LRP1B: variants seen among roughly 807,000 people sequenced by gnomAD.
LRP1B encodes the protein low-density lipoprotein receptor-related protein 1B.
A neutral mutation model predicts 556.6 loss-of-function variants in LRP1B; 217 were observed. That is an observed-to-expected ratio of 0.39 (90% confidence interval 0.35 to 0.44). LRP1B has a LOEUF of 0.44. LRP1B is among the 20% of genes least tolerant of loss of function. The probability of loss-of-function intolerance (pLI) is 1.00; values close to 1 mark genes in which losing one functional copy is unlikely to be tolerated. For synonymous variants in LRP1B, 2,047 were observed against 1,865.8 expected (o/e 1.10, Z -2.50); for missense variants, 5,053 against 5,620.8 (o/e 0.90, Z 3.23).
intron 1 of LRP1B, among the ~76,000 whole-genome samples, chr2:141,905,844 G>T (rs971671411): frequency 2.7e-5 from 4 of 145,482 alleles, no homozygotes; most frequent in African/African-American, 7.6e-5. Flanking sequence ...GACTAGCCAA[G>T]ATATTTGTGT....
chr2:140,439,129 A>G (rs1686315221), intron 66 of LRP1B, among the ~76,000 whole-genome samples: 1 of 152,206 alleles, frequency 6.6e-6, no homozygotes, highest in Non-Finnish European at 1.5e-5. Flanking sequence ...AAATTCTTAA[A>G]TATTCTATTA....
At chr2:141,499,631 G>A (rs971065434) in intron 2 of LRP1B, among the ~76,000 whole-genome samples, 6 of 151,866 alleles carry the variant, frequency 4.0e-5, no homozygotes, top group African/African-American at 1.2e-4. Flanking sequence ...AGACTCAGAT[G>A]TCACATTTTA....
chr2:141,279,887 G>A (rs2105385345), intron 3 of LRP1B, among the ~76,000 whole-genome samples: 1 of 152,116 alleles, frequency 6.6e-6, no homozygotes, highest in Admixed American at 6.5e-5. Context: ...ATGTCTCAAG[G>A]CAAGCTAGTC....
chr2:140,659,417 T>A (rs1262367514), intron 41 of LRP1B, among the ~76,000 whole-genome samples: 1 of 151,952 alleles, frequency 6.6e-6, no homozygotes, highest in Non-Finnish European at 1.5e-5. Context: ...GCTAATGGAG[T>A]GGAAAGCTAC....
At chr2:141,927,337 T>A (rs1296923931) in intron 1 of LRP1B, among the ~76,000 whole-genome samples, 1 of 152,164 alleles carries the variant, frequency 6.6e-6, no homozygotes, top group Admixed American at 6.6e-5. Context: ...TCTACCTGTT[T>A]GTCTAAATTT....
intron 6 of LRP1B, among the ~76,000 whole-genome samples, chr2:141,212,163 G>C: frequency 6.9e-6 from 1 of 145,108 alleles, no homozygotes; most frequent in Non-Finnish European, 1.5e-5. Context: ...GAGTTTCTTA[G>C]GGAATAATAT....
intron 3 of LRP1B, among the ~76,000 whole-genome samples, chr2:141,396,800 G>C (rs975237587): frequency 6.6e-6 from 1 of 151,966 alleles, no homozygotes; most frequent in Admixed American, 6.6e-5. Context: ...AAAAAATGTA[G>C]AAGATACACA....
chr2:140,263,669 GCT>G (rs1473636145), intron 86 of LRP1B, among the ~76,000 whole-genome samples: 3 of 152,088 alleles, frequency 2.0e-5, no homozygotes, highest in African/African-American at 7.2e-5. Flanking sequence ...GTTCAGTGGA[GCT>G]CTTTGTCACC....
chr2:140,794,738 C>T (rs993322347), intron 32 of LRP1B, among the ~76,000 whole-genome samples: 1 of 151,968 alleles, frequency 6.6e-6, no homozygotes, highest in African/African-American at 2.4e-5. Flanking sequence ...CTCAGCCTCC[C>T]AAGTAGCTGG....
chr2:140,477,426 A>T (rs1408234251), intron 59 of LRP1B, among the ~76,000 whole-genome samples: 2 of 152,160 alleles, frequency 1.3e-5, no homozygotes, highest in Non-Finnish European at 2.9e-5. Flanking sequence ...TAAAAATAAC[A>T]CATCCAAACT....
intron 86 of LRP1B, among the ~76,000 whole-genome samples, chr2:140,250,328 A>G (rs1186271322): frequency 6.6e-6 from 1 of 151,822 alleles, no homozygotes; most frequent in Admixed American, 6.6e-5. Flanking sequence ...TTAACCAAGT[A>G]TCATTGGATC....
intron 7 of LRP1B, among the ~76,000 whole-genome samples, chr2:141,102,087 C>A (rs759372560): frequency 6.6e-6 from 1 of 152,064 alleles, no homozygotes; most frequent in Non-Finnish European, 1.5e-5. Flanking sequence ...TACATTTTAA[C>A]GGTAGAAATG....
At chr2:140,983,521 G>A (rs1235919573) in intron 17 of LRP1B, among the ~76,000 whole-genome samples, 1 of 151,936 alleles carries the variant, frequency 6.6e-6, no homozygotes, top group African/African-American at 2.4e-5. Flanking sequence ...CACTAAAATG[G>A]GTTCCATGAA....
At chr2:141,622,974 G>A (rs1688558042) in intron 2 of LRP1B, among the ~76,000 whole-genome samples, 1 of 152,286 alleles carries the variant, frequency 6.6e-6, no homozygotes, top group Admixed American at 6.5e-5. Flanking sequence ...CAGAGTTTCA[G>A]TTCCAATGAT....
chr2:140,524,874 A>C (rs1690362437), intron 49 of LRP1B, among the ~76,000 whole-genome samples: 1 of 151,840 alleles, frequency 6.6e-6, no homozygotes, highest in Non-Finnish European at 1.5e-5. Context: ...GGATCAATAC[A>C]AGCCCAAACC....
intron 2 of LRP1B, among the ~76,000 whole-genome samples, chr2:141,689,804 A>C (rs941814971): frequency 6.6e-6 from 1 of 151,864 alleles, no homozygotes; most frequent in African/African-American, 2.4e-5. Flanking sequence ...TTAGGATAGA[A>C]TAAACACCAG....
chr2:140,440,606 C>T (rs897341372), intron 66 of LRP1B, among the ~76,000 whole-genome samples: 1 of 152,098 alleles, frequency 6.6e-6, no homozygotes, highest in Non-Finnish European at 1.5e-5. Flanking sequence ...CCACTTATCC[C>T]TTTCAAAAAT....
At chr2:140,598,386 T>C (rs935189978) in intron 43 of LRP1B, among the ~76,000 whole-genome samples, 2 of 152,224 alleles carry the variant, frequency 1.3e-5, no homozygotes, top group Non-Finnish European at 2.9e-5. Context: ...AATTAGTTAC[T>C]ATTGCTCCAG....
At position 140,353,841 on chromosome 2, in the gene LRP1B, A is replaced by G. The variant is rs1027955183; in HGVS notation, c.11531-769T>C. Among the ~76,000 whole-genome samples the G allele has an allele frequency of 2.0e-5, 3 of 152,062 alleles. No homozygotes were observed. The South Asian group carries it at 6.2e-4, about 31-fold the overall frequency. On this transcript the variant is annotated intron_variant, in intron 75 of 90. Transcript: ENST00000389484. ...GAACAAAGATTTGGGCACATCTCTAACACACTTCTGGACTCATATATATGA... is the reference window on the plus strand; with the variant it reads ...GAACAAAGATTTGGGCACATCTCTAGCACACTTCTGGACTCATATATATGA...
Sources: gnomAD v4.1 joint callset for allele counts (sites outside exome capture counted in the v4.1 genomes callset) on GRCh38, gnomAD v4.1.1 for gene constraint, MANE v1.5 for transcripts, NCBI Gene and HGNC (gene_info 2026-07-23, HGNC 2026-07-21) for gene names.